The following NRCAM variants were observed in gnomAD, a reference collection of about 807,000 sequenced individuals.
NRCAM encodes the protein neuronal cell adhesion molecule.
A neutral mutation model predicts 156.5 loss-of-function variants in NRCAM; 83 were observed. That is an observed-to-expected ratio of 0.53 (90% CI 0.44 to 0.64). NRCAM has a LOEUF of 0.64. Among genes scored for constraint, NRCAM ranks in the 30% least tolerant of loss-of-function variants. The pLI is 0.00. For missense variants in NRCAM, 1,417 were observed against 1,597.3 expected, an observed-to-expected ratio of 0.89 and a Z score of 1.92; for synonymous variants, 538 against 563.9, an observed-to-expected ratio of 0.95 and a Z score of 0.65.
intron 2 of NRCAM, among the ~76,000 whole-genome samples, chr7:108,358,216 T>A (rs920531662): frequency 2.1e-4 from 27 of 131,362 alleles, no homozygotes; most frequent in African/African-American, 7.4e-4. Flanking sequence ...AAGAGCAGCC[T>A]GGGCAACATG....
chr7:108,411,696 A>AT (rs1416425857), intron 1 of NRCAM, among the ~76,000 whole-genome samples: 1 of 151,610 alleles, frequency 6.6e-6, no homozygotes, highest in Non-Finnish European at 1.5e-5. Flanking sequence ...CGCCCGGCTA[A>AT]TTTTTTTTGT....
intron 23 of NRCAM, among the ~76,000 whole-genome samples, chr7:108,182,346 G>A (rs2063962811): frequency 1.3e-5 from 2 of 151,820 alleles, no homozygotes; most frequent in African/African-American, 4.8e-5. Flanking sequence ...CAAAGAAGAT[G>A]GAAAACACAG....
chr7:108,395,016 CA>C lies in NRCAM; in HGVS notation c.-174+4419del, dbSNP rs569831400. On this transcript the variant is annotated intron_variant, in intron 2 of 32. Transcript: ENST00000379028. The stretch of plus-strand genomic sequence containing the variant: ...TAATGTTATCTACTTATCCATTATG[CA>C]GATGCTTTTAAAAAGCTAGAAAGTC... Among the ~76,000 whole-genome samples the C allele has an allele frequency of 1.6e-4, 24 of 152,218 alleles. No individual in the cohort carries two copies. The South Asian group carries it at 4.4e-3, about 28-fold the overall frequency.
chr7:108,366,463 G>A (rs1180920868), intron 2 of NRCAM, among the ~76,000 whole-genome samples: 1 of 152,158 alleles, frequency 6.6e-6, no homozygotes, highest in East Asian at 1.9e-4. Context: ...ATAAACAGAG[G>A]TCTGCCAGTG....
chr7:108,251,501 T>C (rs1022608663), intron 3 of NRCAM, among the ~76,000 whole-genome samples: 1 of 152,326 alleles, frequency 6.6e-6, no homozygotes, highest in East Asian at 1.9e-4. Context: ...TCTGCTATAA[T>C]AGAAATGGAG....
chr7:108,177,704 T>TATAC (rs1162596568), intron 26 of NRCAM, among the ~76,000 whole-genome samples: 1 of 19,140 alleles, frequency 5.2e-5, no homozygotes, highest in Non-Finnish European at 2.4e-4. Context: ...TATACACGTA[T>TATAC]ATATATATAT....
intron 2 of NRCAM, among the ~76,000 whole-genome samples, chr7:108,324,194 G>C (rs1251731331): frequency 6.6e-6 from 1 of 152,118 alleles, no homozygotes; most frequent in African/African-American, 2.4e-5. Flanking sequence ...GGCTGAAGGG[G>C]AGTGAGATTG....
At chr7:108,370,396 A>G (rs1384774665) in intron 2 of NRCAM, among the ~76,000 whole-genome samples, 1 of 152,146 alleles carries the variant, frequency 6.6e-6, no homozygotes, top group Non-Finnish European at 1.5e-5. Flanking sequence ...GCAACATAGA[A>G]TGTTTTCATG....
chr7:108,382,624 G>C (rs1295837412), intron 2 of NRCAM, among the ~76,000 whole-genome samples: 1 of 151,760 alleles, frequency 6.6e-6, no homozygotes, highest in South Asian at 2.1e-4. Context: ...AAGGAAAGAA[G>C]AAAGAAAAAA....
intron 20 of NRCAM, 59 bp downstream of exon 20, chr7:108,189,586 A>C: frequency 1.3e-6 from 1 of 765,544 alleles, no homozygotes; most frequent in Non-Finnish European, 2.4e-6. Context: ...TGACTGTTAC[A>C]AAGTGCTTCA....
At chr7:108,427,100 C>T (rs931977997) in intron 1 of NRCAM, among the ~76,000 whole-genome samples, 7 of 152,146 alleles carry the variant, frequency 4.6e-5, no homozygotes, top group African/African-American at 1.7e-4. Flanking sequence ...CTAGAATGCC[C>T]ACTCTCTAGG....
At chr7:108,174,953 C>T (rs1452306806) in intron 28 of NRCAM, among the ~76,000 whole-genome samples, 1 of 152,174 alleles carries the variant, frequency 6.6e-6, no homozygotes, top group Non-Finnish European at 1.5e-5. Context: ...CTGATTTCTA[C>T]CAGGCTGTTT....
intron 2 of NRCAM, among the ~76,000 whole-genome samples, chr7:108,353,048 A>C (rs561539578): frequency 7.7e-4 from 104 of 135,420 alleles, no homozygotes; most frequent in African/African-American, 2.7e-3. Context: ...ACATGTGCTC[A>C]TTGTAAAAAA....
Position 108,223,726 on chromosome 7 carries a change from G to T in NRCAM, c.889C>A (p.Leu297Met), listed in dbSNP as rs1166299983. 4 of 1,476,980 alleles carry T rather than the reference G, an allele frequency of 2.7e-6. No individual in the cohort carries two copies. The East Asian group carries it at 9.1e-5, about 33-fold the overall frequency. 91.5% of individuals were successfully genotyped at this position (1,476,980 alleles called of 1,614,324 possible). ...TCAGGACAGAAAGTGTTAACTCACA[G>T]TCCTTCTGCAATGCACTCCAGTGAA... ...VLSLECIAEG[L>M]PTPIIYWAKE... Residue 297 changes from leucine to methionine, a missense_variant and splice_region_variant, in exon 11 of 33, where the codon CTG becomes ATG. Around this residue, in one of 2 missense-constraint regions of NRCAM, gnomAD observed 1,238 missense variants for 1,336.4 expected, o/e 0.93. Transcript: ENST00000379028.
Position 108,240,170 on chromosome 7 carries a change from AC to A in NRCAM, c.-106-1del. 1 of 694,780 alleles carries A rather than the reference AC, an allele frequency of 1.4e-6. No individual in the cohort carries two copies. The highest frequency in any genetic ancestry group is 1.7e-5 in the South Asian group (1 of 57,700). The allele number at this position is 694,780 out of a possible 1,614,324, so 43.0% of individuals were successfully genotyped here. On this transcript the variant is annotated splice_acceptor_variant, in intron 3 of 32. Coordinates refer to ENST00000379028, the MANE Select transcript of NRCAM (RefSeq NM_001037132.4). LOFTEE classifies it low-confidence loss of function (5UTR_SPLICE). ...CGTTTAAGTAATTTTCATGCGGGAA[AC>A]TGAAAAAGGATAGAGTAGGAATAAT...
chr7:108,362,433 T>C lies in NRCAM; in HGVS notation c.-174+37003A>G, dbSNP rs866866697. On this transcript the variant is annotated intron_variant, in intron 2 of 32. Coordinates refer to ENST00000379028, the MANE Select transcript of NRCAM (RefSeq NM_001037132.4). Reference sequence around the variant, plus strand: ...AACAATGGGTGAATGGGTAACCAAATTGCTGTATATCCATAATAGGATATT... The same window carrying C: ...AACAATGGGTGAATGGGTAACCAAACTGCTGTATATCCATAATAGGATATT... 8.5e-5 allele frequency among the ~76,000 whole-genome samples: 13 copies of C among 152,298 alleles called. No individual in the cohort carries two copies. The South Asian group carries it at 1.9e-3, about 22-fold the overall frequency.
intron 1 of NRCAM, among the ~76,000 whole-genome samples, chr7:108,407,359 TATG>T (rs2099810101): frequency 1.3e-5 from 2 of 152,352 alleles, no homozygotes; most frequent in South Asian, 4.1e-4. Flanking sequence ...TGACTTTTTA[TATG>T]ATTTTTTTAA....
chr7:108,398,358 G>A (rs1414324092), intron 2 of NRCAM, among the ~76,000 whole-genome samples: 1 of 152,046 alleles, frequency 6.6e-6, no homozygotes, highest in African/African-American at 2.4e-5. Flanking sequence ...TCTATTCGAT[G>A]CTGCTTCTAG....
chr7:108,403,160 AGACT>A (rs1231364833), intron 1 of NRCAM, among the ~76,000 whole-genome samples: 1 of 152,226 alleles, frequency 6.6e-6, no homozygotes, highest in Non-Finnish European at 1.5e-5. Context: ...GCTACATTTC[AGACT>A]GACAGTTAAT....
Sources: gnomAD v4.1 joint callset for allele counts (sites outside exome capture counted in the v4.1 genomes callset) on GRCh38, gnomAD v4.1.1 for gene constraint, gnomAD v4.1.1 regional missense constraint, MANE v1.5 for transcripts, NCBI Gene and HGNC (gene_info 2026-07-23, HGNC 2026-07-21) for gene names.